Variants in SPG7 observed in about 807,000 individuals in gnomAD.
The protein encoded by SPG7 is SPG7 matrix AAA peptidase subunit, paraplegin.
SPG7 carries 103 observed loss-of-function variants against 81.9 expected under a neutral mutation model. That is an observed-to-expected ratio of 1.26 (90% CI 1.07 to 1.48). The LOEUF is 1.48. SPG7 is among the 40% of genes most tolerant of loss of function. SPG7 has a pLI of 0.00. For synonymous variants in SPG7, 534 were observed against 444.2 expected, an observed-to-expected ratio of 1.20 and a Z score of -2.54; for missense variants, 1,241 against 1,087.3, an observed-to-expected ratio of 1.14 and a Z score of -1.99.
Position 89,541,426 on chromosome 16 carries a change from C to T in SPG7, c.1325-3222C>T, listed in dbSNP as rs1187157269. On this transcript the variant is annotated intron_variant, in intron 9 of 16. Transcript: ENST00000645818. ...ATAACAAAATTCTGGGGATGGAGAA[C>T]GGGTTACTGGTTGTCAGCAGTTAGG... 3.2e-5 allele frequency: 24 copies of T among 749,580 alleles called. 1 individual carries two copies. The South Asian group carries it at 6.6e-4, about 21-fold the overall frequency. The allele number at this position is 749,580 out of a possible 1,614,324, so 46.4% of individuals were successfully genotyped here. A position where few individuals can be genotyped will look rare whatever the true frequency, so the allele number is the denominator to read the frequency against.
intron 10 of SPG7, 64 bp from the exon 11 acceptor site, chr16:89,546,594 A>G: frequency 1.9e-6 from 2 of 1,040,798 alleles, no homozygotes; most frequent in Non-Finnish European, 3.0e-6. Flanking sequence ...ACAGACAAAC[A>G]TGCCGCACCT....
chr16:89,527,714 C>T (rs1405439861), intron 5 of SPG7, among the ~76,000 whole-genome samples: 3 of 152,106 alleles, frequency 2.0e-5, no homozygotes, highest in Non-Finnish European at 4.4e-5. Flanking sequence ...AAATGAGGGG[C>T]CAGCGGGTAC....
intron 6 of SPG7, chr16:89,530,011 G>A (rs2058319290): frequency 3.3e-6 from 1 of 302,046 alleles, no homozygotes; most frequent in Admixed American, 4.7e-5. Context: ...AGCTAATTTT[G>A]TATTTTTGGT....
Position 89,530,757 on chromosome 16 carries a change from A to G in SPG7, c.936A>G (p.Ala312=), listed in dbSNP as rs754555888. The change falls in exon 7 of 17, where the codon GCA becomes GCG. Residue 312 remains alanine, a synonymous_variant. Transcript: ENST00000645818. The part of the protein sequence containing the change: ...MGKGVSFKDV[A]GMHEAKLEVR... ...AAGGAGTCAGCTTCAAAGACGTGGC[A>G]GGAATGCACGAAGCCAAACTGGAAG... 27 of 1,614,214 alleles carry G rather than the reference A, an allele frequency of 1.7e-5. No homozygotes were observed. Among genetic ancestry groups the G allele is most frequent in the Non-Finnish European group, 2.3e-5 (27 of 1,180,040 alleles).
In SPG7 at chr16:89,554,110, C is replaced by G. The variant is rs374698934; in HGVS notation, c.2103+150C>G. ...CTTCCTTCTGGGCTCTGCTGTAGTTCCCACCTGTGGAGTATTTTCTTCTCA... is the reference window on the plus strand; with the variant it reads ...CTTCCTTCTGGGCTCTGCTGTAGTTGCCACCTGTGGAGTATTTTCTTCTCA... On this transcript the variant is annotated intron_variant, in intron 15 of 16. Transcript: ENST00000645818. The G allele has an allele frequency of 1.1e-3, 774 of 713,656 alleles. 15 individuals carry two copies. The South Asian group carries it at 0.013, about 12-fold the overall frequency. 44.2% of individuals were successfully genotyped at this position (713,656 alleles called of 1,614,324 possible).
intron 1 of SPG7, among the ~76,000 whole-genome samples, chr16:89,509,468 C>T (rs2057982394): frequency 6.6e-6 from 1 of 152,204 alleles, no homozygotes; most frequent in Non-Finnish European, 1.5e-5. Flanking sequence ...CCAGGATGGT[C>T]TCCATCTCTT....
At chr16:89,555,790 G>C (rs1199869191) in intron 16 of SPG7, 3 of 398,270 alleles carry the variant, frequency 7.5e-6, no homozygotes, top group Non-Finnish European at 1.3e-5. Context: ...CTCAGGAGAG[G>C]TGCACGGCTC....
intron 9 of SPG7, chr16:89,537,155 C>T: frequency 6.9e-7 from 1 of 1,457,220 alleles, no homozygotes; most frequent in Non-Finnish European, 9.0e-7. Context: ...TTTGTTGCTT[C>T]CGTTCATGGA....
chr16:89,534,370 G>T (rs544996956), intron 9 of SPG7, among the ~76,000 whole-genome samples: 1 of 152,236 alleles, frequency 6.6e-6, no homozygotes, highest in Non-Finnish European at 1.5e-5. Flanking sequence ...GCTGCCTTGT[G>T]TGTAGGGGCT....
intron 13 of SPG7, chr16:89,552,316 C>T (rs900627630): frequency 1.3e-5 from 2 of 155,136 alleles, no homozygotes; most frequent in South Asian, 3.9e-4. Context: ...CCACCTCTAA[C>T]TCCCAAAGTA....
intron 9 of SPG7, among the ~76,000 whole-genome samples, chr16:89,535,468 C>T (rs2058401131): frequency 6.6e-6 from 1 of 152,236 alleles, no homozygotes; most frequent in Non-Finnish European, 1.5e-5. Context: ...TCTCCTGCTG[C>T]TTGTCCCCCG....
At chr16:89,509,581 C>T (rs930268473) in intron 1 of SPG7, among the ~76,000 whole-genome samples, 2 of 151,812 alleles carry the variant, frequency 1.3e-5, no homozygotes, top group African/African-American at 2.4e-5. Context: ...AAATGTTTAT[C>T]TTGAAAGGAG....
chr16:89,536,742 C>T (rs757198829), intron 9 of SPG7: 4 of 1,613,214 alleles, frequency 2.5e-6, no homozygotes, highest in Admixed American at 1.7e-5. Flanking sequence ...TCCTGTGAGT[C>T]TGCGGCCTTC....
intron 9 of SPG7, chr16:89,537,106 G>A (rs941659864): frequency 8.7e-6 from 13 of 1,499,530 alleles, no homozygotes; most frequent in African/African-American, 2.8e-5. Flanking sequence ...CAGAGCCACA[G>A]CTGTGCATGC....
rs371793554 is a variant in SPG7, at chr16:89,510,006, C to G, written c.184-484C>G. Among the ~76,000 whole-genome samples the G allele has an allele frequency of 1.7e-4, 25 of 150,664 alleles. No individual in the cohort carries two copies. In the South Asian group the frequency reaches 2.5e-3, roughly 15 times the overall value. On this transcript the variant is annotated intron_variant, in intron 1 of 16. Coordinates refer to ENST00000645818, the MANE Select transcript of SPG7 (RefSeq NM_003119.4). Reference sequence around the variant, plus strand: ...TGTTTGTTTTTTGAGATGGAGTTTCCCTTTGTTGCCCAGCCTGGAGTGCAG... The same window carrying G: ...TGTTTGTTTTTTGAGATGGAGTTTCGCTTTGTTGCCCAGCCTGGAGTGCAG...
Position 89,557,532 on chromosome 16 carries a change from G to A in SPG7, c.*439G>A, listed in dbSNP as rs1260839969. ...CGGACATGAAAGGACCCTGTGAGCC[G>A]ATTGTCCTATCTCCAGCGGCCCTGT... is the stretch of plus-strand genomic sequence containing the variant. On this transcript the variant is annotated 3_prime_UTR_variant, in exon 17 of 17. Transcript: ENST00000645818. 4 of 219,492 alleles carry A rather than the reference G, an allele frequency of 1.8e-5. No homozygotes were observed. Among genetic ancestry groups the A allele is most frequent in the East Asian group, 1.2e-4 (1 of 8,692 alleles). The allele number at this position is 219,492 out of a possible 1,614,324, so 13.6% of individuals were successfully genotyped here.
intron 16 of SPG7, chr16:89,555,537 G>C (rs79115309): frequency 0.023 from 4,949 of 210,862 alleles, 254 homozygotes; most frequent in African/African-American, 0.11. Context: ...CAGATGTGCT[G>C]AGTCTCCCCA....
In SPG7 at chr16:89,547,982, CGT is replaced by C. The variant is rs1567929448; in HGVS notation, c.1553-19_1553-18del. 6.3e-7 allele frequency: 1 copy of C among 1,595,494 alleles called. No homozygotes were observed. Among genetic ancestry groups the C allele is most frequent in the South Asian group, 1.1e-5 (1 of 90,740 alleles). On this transcript the variant is annotated intron_variant, in intron 11 of 16. Transcript: ENST00000645818. ...ATAGCAGAAACCCACCCACCCACAC[CGT>C]GGCTGTTTGTGTTGACAGGGGCTGA...
chr16:89,548,735 G>A, intron 12 of SPG7: 1 of 354,938 alleles, frequency 2.8e-6, no homozygotes, highest in South Asian at 2.1e-5. Flanking sequence ...GGACCAAACT[G>A]GGAATCGGAG....
Sources: allele counts gnomAD v4.1 joint callset (sites outside exome capture counted in the v4.1 genomes callset), GRCh38; gene constraint gnomAD v4.1.1; transcripts MANE v1.5; gene names NCBI Gene and HGNC (gene_info 2026-07-23, HGNC 2026-07-21).